The following ABHD10 variants were observed in gnomAD, a reference collection of about 807,000 sequenced individuals.
ABHD10 encodes the protein palmitoyl-protein thioesterase ABHD10, mitochondrial.
A neutral mutation model predicts 33.1 loss-of-function variants in ABHD10; 22 were observed. The ratio of observed to expected loss-of-function variants is 0.66; its 90% CI spans 0.47 to 0.95. The LOEUF (loss-of-function observed/expected upper bound fraction) is 0.95. Ranked by LOEUF, ABHD10 falls within the 40% of genes least tolerant of loss-of-function variation. ABHD10 has a pLI of 0.00. For missense variants in ABHD10, 352 were observed against 379.9 expected (o/e 0.93, Z 0.61); for synonymous variants, 146 against 133.9 (o/e 1.09, Z -0.62).
In ABHD10 at chr3:111,991,529, G is replaced by T; in HGVS notation, c.729G>T (p.Leu243Phe). 3 of 1,614,060 alleles carry T rather than the reference G, an allele frequency of 1.9e-6. No homozygotes were observed. The highest frequency in any genetic ancestry group is 2.5e-6 in the Non-Finnish European group (3 of 1,179,968). Residue 243 changes from leucine to phenylalanine, a missense_variant, in exon 5 of 5, where the codon TTG becomes TTT. Physicochemically the swap from Leu to Phe is conservative, Grantham distance 22 (BLOSUM62 0). Transcript: ENST00000273359. ...TTCCTGTGAACTGCCCCATAAGATT[G>T]CTCCATGGCATGAAGGATGACATTG... is the stretch of plus-strand genomic sequence containing the variant. ...SPIPVNCPIRLLHGMKDDIVP... is the reference protein window; with the variant it reads ...SPIPVNCPIRFLHGMKDDIVP...
At chr3:111,984,999 T>C (rs2072636489) in intron 2 of ABHD10, among the ~76,000 whole-genome samples, 1 of 152,206 alleles carries the variant, frequency 6.6e-6, no homozygotes, top group Non-Finnish European at 1.5e-5. Context: ...GAGATGAATG[T>C]TTAAAAACAA....
At chr3:111,989,632 A>G (rs2072717097) in intron 4 of ABHD10, among the ~76,000 whole-genome samples, 1 of 152,220 alleles carries the variant, frequency 6.6e-6, no homozygotes, top group South Asian at 2.1e-4. Context: ...CAAATTCAGA[A>G]ACAATCCTGA....
chr3:111,979,192 G>A lies in ABHD10; in HGVS notation c.131G>A (p.Arg44Gln), dbSNP rs1332600556. Reference sequence around the variant, plus strand: ...GCACGGATACCTCAGCGGGCGCCACGGTGGCTCCCAGGTCAGTGTCCGAAA... The same window carrying A: ...GCACGGATACCTCAGCGGGCGCCACAGTGGCTCCCAGGTCAGTGTCCGAAA... The part of the protein sequence containing the change: ...LLARIPQRAP[R>Q]WLPACRQKTS... Residue 44 changes from arginine to glutamine, a missense_variant, in exon 1 of 5, where the codon CGG (arginine) becomes CAG (glutamine). Arg to Gln is a conservative substitution (Grantham distance 43). Transcript: ENST00000273359. 5 of 1,604,416 alleles carry A rather than the reference G, an allele frequency of 3.1e-6. No individual in the cohort carries two copies. Among genetic ancestry groups the A allele is most frequent in the Non-Finnish European group, 4.3e-6 (5 of 1,173,754 alleles).
intron 2 of ABHD10, among the ~76,000 whole-genome samples, chr3:111,985,474 AACTAGGC>A (rs1320405480): frequency 1.3e-5 from 2 of 152,198 alleles, no homozygotes; most frequent in Non-Finnish European, 2.9e-5. Flanking sequence ...CAAGGAACTG[AACTAGGC>A]ACTAGGAACG....
rs779907468 is a variant in ABHD10, at chr3:111,981,900, T to G, written c.259T>G (p.Tyr87Asp). The G allele has an allele frequency of 6.2e-7, 1 of 1,608,202 alleles. No homozygotes were observed. The highest frequency in any genetic ancestry group is 8.5e-7 in the Non-Finnish European group (1 of 1,175,762). Residue 87 changes from tyrosine to aspartate, a missense_variant, in exon 2 of 5, where the codon TAT (tyrosine) becomes GAT (aspartate). Transcript: ENST00000273359. ...TATCTTCATCCCTGGCTATCTTTCT[T>G]ATATGAATGGTACAAAAGCGTTGGC... ...GIIFIPGYLS[Y>D]MNGTKALAIE...
Position 111,988,603 on chromosome 3 carries a change from G to C in ABHD10, c.576+1552G>C, listed in dbSNP as rs552258470. ...ATTTGTTTTGGTTTTGTTTTTATTT[G>C]GGGGGGTTTTTAGGGTATCTCTGTT... is the stretch of plus-strand genomic sequence containing the variant. On this transcript the variant is annotated intron_variant, in intron 4 of 4. Coordinates refer to ENST00000273359, the MANE Select transcript of ABHD10 (RefSeq NM_018394.4). Among the ~76,000 whole-genome samples, 6 of 151,732 alleles carry C rather than the reference G, an allele frequency of 4.0e-5. No individual in the cohort carries two copies. The East Asian group carries it at 7.8e-4, about 20-fold the overall frequency.
intron 3 of ABHD10, among the ~76,000 whole-genome samples, chr3:111,986,593 G>A (rs2072665584): frequency 3.3e-5 from 5 of 151,970 alleles, no homozygotes; most frequent in Admixed American, 6.6e-5. Flanking sequence ...CCGCCACCAC[G>A]CCCGGCTAAT....
chr3:111,988,045 A>G (rs558402842), intron 4 of ABHD10, among the ~76,000 whole-genome samples: 1 of 152,320 alleles, frequency 6.6e-6, no homozygotes, highest in South Asian at 2.1e-4. Context: ...AACCTCTTGT[A>G]AAGTTTGAGA....
At chr3:111,991,285 G>T in intron 4 of ABHD10, 92 bp from the exon 5 acceptor site, 1 of 1,061,130 alleles carries the variant, frequency 9.4e-7, no homozygotes, top group South Asian at 1.5e-5. Flanking sequence ...TCTTATTCAA[G>T]AACTGCTTTC....
At chr3:111,990,272 A>T (rs2072723650) in intron 4 of ABHD10, among the ~76,000 whole-genome samples, 1 of 152,042 alleles carries the variant, frequency 6.6e-6, no homozygotes, top group Non-Finnish European at 1.5e-5. Context: ...AAACCTTTTC[A>T]TAGAATTTTT....
chr3:111,979,159 T>C lies in ABHD10; in HGVS notation c.98T>C (p.Val33Ala), dbSNP rs764242062. The C allele has an allele frequency of 6.2e-7, 1 of 1,612,786 alleles. No individual in the cohort carries two copies. Among genetic ancestry groups the C allele is most frequent in the Non-Finnish European group, 8.5e-7 (1 of 1,179,380 alleles). Residue 33 changes from valine to alanine, a missense_variant, in exon 1 of 5, where the codon GTG becomes GCG. Coordinates refer to ENST00000273359, the MANE Select transcript of ABHD10 (RefSeq NM_018394.4). The stretch of plus-strand genomic sequence containing the variant: ...TTCGGTCCCCACCGTGGCCTCAGCG[T>C]GCTGCTTGCACGGATACCTCAGCGG... The part of the protein sequence containing the change: ...VPFGPHRGLS[V>A]LLARIPQRAP...
rs1260948526 is a variant in ABHD10 at position 111,992,687 on chromosome 3, A to C, written c.*966A>C. 1 of 152,182 alleles carries C rather than the reference A, an allele frequency of 6.6e-6. No individual in the cohort carries two copies. The allele number at this position is 152,182 out of a possible 1,614,324, so 9.4% of individuals were successfully genotyped here. ...TGGCTGGACTTTATTTAGCTTGATT[A>C]GGTTATTATCTGTCAAACCTTTTAA... On this transcript the variant is annotated 3_prime_UTR_variant, in exon 5 of 5. Coordinates refer to ENST00000273359, the MANE Select transcript of ABHD10 (RefSeq NM_018394.4).
chr3:111,979,870 T>C (rs2072558029), intron 1 of ABHD10, among the ~76,000 whole-genome samples: 1 of 152,270 alleles, frequency 6.6e-6, no homozygotes, highest in South Asian at 2.1e-4. Context: ...TGGTAATTAA[T>C]GTCACGGCAG....
intron 1 of ABHD10, among the ~76,000 whole-genome samples, chr3:111,979,469 T>A (rs367579994): frequency 5.3e-5 from 8 of 152,332 alleles, no homozygotes; most frequent in African/African-American, 1.9e-4. Context: ...CTTACCTGCC[T>A]CCCCTGCATT....
chr3:111,984,614 A>G (rs1227495922), intron 2 of ABHD10, among the ~76,000 whole-genome samples: 1 of 152,194 alleles, frequency 6.6e-6, no homozygotes, highest in African/African-American at 2.4e-5. Context: ...TTATTGTGAA[A>G]TCAATCTGAA....
At chr3:111,985,661 GGAGGCTTTTCT>G (rs1314592976) in intron 2 of ABHD10, among the ~76,000 whole-genome samples, 1 of 152,202 alleles carries the variant, frequency 6.6e-6, no homozygotes, top group Admixed American at 6.5e-5. Flanking sequence ...AATGGTCATG[GGAGGCTTTTCT>G]GAGGATGTAA....
rs2072743211 is a variant in ABHD10, at chr3:111,991,805, G to C, written c.*84G>C. 2.7e-6 allele frequency: 3 copies of C among 1,095,826 alleles called. No homozygotes were observed. The highest frequency in any genetic ancestry group is 1.6e-5 in the African/African-American group (1 of 61,272). The allele number at this position is 1,095,826 out of a possible 1,614,324, so 67.9% of individuals were successfully genotyped here. ...GAAATGAAAGATCCTGATACTTTAGGTTTTTCCCTTTCCTCTATTTTGTAA... is the reference window on the plus strand; with the variant it reads ...GAAATGAAAGATCCTGATACTTTAGCTTTTTCCCTTTCCTCTATTTTGTAA... On this transcript the variant is annotated 3_prime_UTR_variant, in exon 5 of 5. Transcript: ENST00000273359.
rs10433337 is a variant in ABHD10 at position 111,981,943 on chromosome 3, A to T, written c.302A>T (p.Lys101Ile). 2 of 1,574,378 alleles carry T rather than the reference A, an allele frequency of 1.3e-6. No individual in the cohort carries two copies. Among genetic ancestry groups the T allele is most frequent in the East Asian group, 2.3e-5 (1 of 44,232 alleles). The change falls in exon 2 of 5, where the codon AAA (lysine) becomes ATA (isoleucine). Residue 101 changes from lysine to isoleucine, a missense_variant. Lys to Ile is a moderately radical substitution (Grantham distance 102). Transcript: ENST00000273359. ...GCGTTGGCGATTGAGGAGTTTTGCA[A>T]ATCTCTAGGTCACGCCTGCATAAGG... ...TKALAIEEFC[K>I]SLGHACIRFD... is the part of the protein sequence containing the mutation.
rs775642619 is a variant in ABHD10, at chr3:111,991,530, C to T, written c.730C>T (p.Leu244Phe). Residue 244 changes from leucine to phenylalanine, a missense_variant, in exon 5 of 5, where the codon CTC becomes TTC. Physicochemically the swap from Leu to Phe is conservative, Grantham distance 22. Transcript: ENST00000273359. The stretch of plus-strand genomic sequence containing the variant: ...TCCTGTGAACTGCCCCATAAGATTG[C>T]TCCATGGCATGAAGGATGACATTGT... The part of the protein sequence containing the change: ...PIPVNCPIRL[L>F]HGMKDDIVPW... 4.3e-5 allele frequency: 70 copies of T among 1,613,970 alleles called. No individual in the cohort carries two copies. Among genetic ancestry groups the T allele is most frequent in the Non-Finnish European group, 5.5e-5 (65 of 1,179,986 alleles).
Sources: allele counts gnomAD v4.1 joint callset (sites outside exome capture counted in the v4.1 genomes callset), GRCh38; gene constraint gnomAD v4.1.1; transcripts MANE v1.5; gene names NCBI Gene and HGNC (gene_info 2026-07-23, HGNC 2026-07-21).